Variants in ACYP2 observed in about 807,000 individuals in gnomAD.
ACYP2 encodes acylphosphatase-2.
ACYP2 carries 12 observed loss-of-function variants against 11.2 expected under a neutral mutation model. That is an observed-to-expected ratio of 1.08 (90% CI 0.69 to 1.74). The LOEUF is 1.74. Among genes scored for constraint, ACYP2 ranks in the 40% most tolerant of loss-of-function variants. ACYP2 has a pLI of 0.00. For synonymous variants in ACYP2, 43 were observed against 32.2 expected (o/e 1.33, Z -1.13); for missense variants, 134 against 101.9 (o/e 1.31, Z -1.35).
At chr2:54,297,368 C>T (rs1689562161) in intron 6 of ACYP2, among the ~76,000 whole-genome samples, 1 of 152,112 alleles carries the variant, frequency 6.6e-6, no homozygotes, top group Non-Finnish European at 1.5e-5. Context: ...CATGGTGGCT[C>T]ATTCCTGTAG....
intron 4 of ACYP2, among the ~76,000 whole-genome samples, chr2:54,067,919 A>G (rs973189637): frequency 1.3e-5 from 2 of 152,236 alleles, no homozygotes; most frequent in Admixed American, 6.5e-5. Context: ...TATCTTACGC[A>G]TAAAATATTT....
chr2:54,130,545 T>G (rs1269638867), intron 4 of ACYP2, among the ~76,000 whole-genome samples: 1 of 152,088 alleles, frequency 6.6e-6, no homozygotes, highest in Admixed American at 6.5e-5. Flanking sequence ...GAATACACTG[T>G]AAGGGGGGCA....
chr2:54,297,332 C>T (rs370115164), intron 6 of ACYP2, among the ~76,000 whole-genome samples: 1 of 152,042 alleles, frequency 6.6e-6, no homozygotes, highest in East Asian at 1.9e-4. Flanking sequence ...CATCTCCACA[C>T]ACAAAAAAAT....
intron 4 of ACYP2, among the ~76,000 whole-genome samples, chr2:54,126,710 G>A (rs1680530464): frequency 6.6e-6 from 1 of 151,936 alleles, no homozygotes. Flanking sequence ...AACTTTGGGA[G>A]GCCTAGGCGG....
intron 6 of ACYP2, among the ~76,000 whole-genome samples, chr2:54,184,893 C>CTG (rs1400432747): frequency 1.3e-5 from 2 of 150,166 alleles, no homozygotes; most frequent in African/African-American, 4.9e-5. Context: ...GTCACCCAGG[C>CTG]TGGAGTGCAG....
In ACYP2 at chr2:54,123,068, G is replaced by A. The variant is rs79564922; in HGVS notation, c.278-12385G>A. 6.9e-3 allele frequency: 2,013 copies of A among 292,496 alleles called. 40 individuals are homozygous for A. Among genetic ancestry groups the A allele is most frequent in the African/African-American group, 0.04 (1,877 of 46,472 alleles). 18.1% of individuals were successfully genotyped at this position (292,496 alleles called of 1,614,324 possible). ...TGTGGGTAACTTGCTCCCAGCGGGA[G>A]GAAGAAGAGGACATGCCTGGGCTGT... On this transcript the variant is annotated intron_variant, in intron 4 of 6. Transcript: ENST00000607452.
intron 6 of ACYP2, among the ~76,000 whole-genome samples, chr2:54,187,300 T>C (rs774840241): frequency 3.9e-5 from 6 of 152,182 alleles, no homozygotes; most frequent in Non-Finnish European, 7.4e-5. Context: ...CTCAGGGATG[T>C]CATTGGCGTG....
At position 54,160,481 on chromosome 2, in the gene ACYP2, A is replaced by G. The variant is rs111273747; in HGVS notation, c.404+21733A>G. ...TTCAACAATGCCATCTACACTTCTC[A>G]AGACTGTAAGCTCCTTAAAGGCAGG... On this transcript the variant is annotated intron_variant, in intron 6 of 6. Transcript: ENST00000607452. Among the ~76,000 whole-genome samples the G allele has an allele frequency of 6.3e-3, 962 of 152,316 alleles. 4 individuals are homozygous for G. Among genetic ancestry groups the G allele is most frequent in the Admixed American group, 9.7e-3 (149 of 15,306 alleles).
intron 4 of ACYP2, among the ~76,000 whole-genome samples, chr2:54,072,454 C>G (rs1380375875): frequency 6.8e-6 from 1 of 146,120 alleles, no homozygotes; most frequent in Admixed American, 6.9e-5. Context: ...TTTTGAAATT[C>G]TTTCTTTCTT....
chr2:53,989,370 A>G (rs1183639464), intron 2 of ACYP2, among the ~76,000 whole-genome samples: 1 of 148,220 alleles, frequency 6.7e-6, no homozygotes. Context: ...GATTATAGGC[A>G]TGAGCCACCA....
At chr2:54,136,688 T>G (rs1163424258) in intron 5 of ACYP2, among the ~76,000 whole-genome samples, 1 of 152,120 alleles carries the variant, frequency 6.6e-6, no homozygotes, top group Non-Finnish European at 1.5e-5. Flanking sequence ...TTTTGAAAAG[T>G]TCTAAGGCCG....
chr2:53,979,004 G>A (rs1027944370), intron 2 of ACYP2, among the ~76,000 whole-genome samples: 1 of 151,780 alleles, frequency 6.6e-6, no homozygotes, highest in Admixed American at 6.6e-5. Flanking sequence ...ACTAGTTTAT[G>A]TATTTGCTAT....
rs1431728933 is a variant in ACYP2, at chr2:54,076,421, C to G, written c.277+19061C>G. Among the ~76,000 whole-genome samples, 3 of 152,106 alleles carry G rather than the reference C, an allele frequency of 2.0e-5. No homozygotes were observed. In the East Asian group the frequency reaches 5.8e-4, roughly 29 times the overall value. On this transcript the variant is annotated intron_variant, in intron 4 of 6. Coordinates refer to ENST00000607452, the MANE Select transcript of ACYP2 (RefSeq NM_001320586.2). ...ATGGTGGCTTAAAGAGATTGAGAAG[C>G]TCATGGAAGATCGCACTGCTAGTTA...
chr2:54,030,241 C>T (rs535330954), intron 2 of ACYP2, among the ~76,000 whole-genome samples: 49 of 152,250 alleles, frequency 3.2e-4, no homozygotes, highest in African/African-American at 1.0e-3. Flanking sequence ...CTTGGCCTGG[C>T]GAGCTGCCTT....
chr2:54,289,406 C>T (rs1184770698), intron 6 of ACYP2, among the ~76,000 whole-genome samples: 1 of 151,888 alleles, frequency 6.6e-6, no homozygotes, highest in Non-Finnish European at 1.5e-5. Flanking sequence ...AATTCTACAC[C>T]CAATTTTAGT....
intron 4 of ACYP2, among the ~76,000 whole-genome samples, chr2:54,086,236 G>A (rs891826802): frequency 1.3e-5 from 2 of 152,144 alleles, no homozygotes; most frequent in African/African-American, 4.8e-5. Flanking sequence ...TGAGCTAGAG[G>A]GCCCGGCACA....
intron 4 of ACYP2, among the ~76,000 whole-genome samples, chr2:54,076,173 G>C (rs1051880190): frequency 6.6e-6 from 1 of 152,188 alleles, no homozygotes; most frequent in Non-Finnish European, 1.5e-5. Context: ...GCTTATGTAA[G>C]TGTAAAGAAA....
At chr2:54,298,408 C>T (rs1419148592) in intron 6 of ACYP2, among the ~76,000 whole-genome samples, 2 of 152,194 alleles carry the variant, frequency 1.3e-5, no homozygotes, top group Non-Finnish European at 2.9e-5. Context: ...TTTGCCTCTG[C>T]TCCCTCCTCA....
intron 6 of ACYP2, among the ~76,000 whole-genome samples, chr2:54,183,187 G>A (rs145553680): frequency 6.6e-6 from 1 of 152,146 alleles, no homozygotes; most frequent in Admixed American, 6.5e-5. Flanking sequence ...TAAAGCTATG[G>A]TTTCCATATG....
Sources: gnomAD v4.1 joint callset for allele counts (sites outside exome capture counted in the v4.1 genomes callset) on GRCh38, gnomAD v4.1.1 for gene constraint, MANE v1.5 for transcripts, NCBI Gene and HGNC (gene_info 2026-07-23, HGNC 2026-07-21) for gene names.